LRBA: variants seen among roughly 807,000 people sequenced by gnomAD.
LRBA encodes the protein lipopolysaccharide-responsive and beige-like anchor protein.
A neutral mutation model predicts 330.0 loss-of-function variants in LRBA; 176 were observed. The observed-to-expected ratio is 0.53, with a 90% CI of 0.47 to 0.60. The LOEUF is 0.60. LRBA is among the 20% of genes least tolerant of loss of function. LRBA has a pLI of 0.00. For synonymous variants in LRBA, 1,230 were observed against 1,193.0 expected (o/e 1.03, Z -0.64); for missense variants, 3,259 against 3,444.8 (o/e 0.95, Z 1.35).
At chr4:150,442,330 A>G (rs908244196) in intron 44 of LRBA, among the ~76,000 whole-genome samples, 1 of 152,220 alleles carries the variant, frequency 6.6e-6, no homozygotes, top group South Asian at 2.1e-4. Flanking sequence ...ACTAATAAAT[A>G]GGGTGCTTGA....
rs973468151 is a variant in LRBA at position 150,903,200 on chromosome 4, A to G, written c.1755+2638T>C. ...AGTTCGAGACCAGCCTAAACAACAA[A>G]GCAAGACCCTAGTCTCTACAAAAAA... On this transcript the variant is annotated intron_variant, in intron 13 of 56. Coordinates refer to ENST00000651943, the MANE Select transcript of LRBA (RefSeq NM_001364905.1). Among the ~76,000 whole-genome samples the G allele has an allele frequency of 4.6e-5, 7 of 151,884 alleles. No homozygotes were observed. In the South Asian group the frequency reaches 8.3e-4, roughly 18 times the overall value.
intron 46 of LRBA, among the ~76,000 whole-genome samples, chr4:150,432,090 T>C (rs993529825): frequency 1.1e-4 from 16 of 152,068 alleles, no homozygotes; most frequent in African/African-American, 3.6e-4. Flanking sequence ...AAAAAAACAA[T>C]TAAGTTACCA....
At chr4:150,720,949 T>C in intron 36 of LRBA, 1 of 436,198 alleles carries the variant, frequency 2.3e-6, no homozygotes, top group Non-Finnish European at 4.6e-6. Flanking sequence ...ATTTAAGTGT[T>C]ACCCAACAAT....
intron 40 of LRBA, among the ~76,000 whole-genome samples, chr4:150,584,908 ATATT>A (rs1159732710): frequency 5.6e-4 from 85 of 152,306 alleles, no homozygotes; most frequent in African/African-American, 2.0e-3. Context: ...ACTATAATAT[ATATT>A]TGTTCTGTAG....
intron 47 of LRBA, among the ~76,000 whole-genome samples, chr4:150,396,480 TCACACACACACACACA>T (rs10641158): frequency 1.4e-5 from 2 of 145,774 alleles, no homozygotes; most frequent in Non-Finnish European, 3.0e-5. Context: ...AAATCTCATC[TCACACACACACACACA>T]CACACACACA....
At chr4:150,636,299 T>C (rs890094383) in intron 37 of LRBA, among the ~76,000 whole-genome samples, 11 of 152,266 alleles carry the variant, frequency 7.2e-5, no homozygotes, top group Middle Eastern at 3.4e-3. Flanking sequence ...TATATTAGTA[T>C]GATCTTCTAT....
chr4:150,539,536 T>C lies in LRBA; in HGVS notation c.6331-48501A>G, dbSNP rs140404383. Among the ~76,000 whole-genome samples, 643 of 152,338 alleles carry C rather than the reference T, an allele frequency of 4.2e-3. 3 individuals carry two copies. The highest frequency in any genetic ancestry group is 0.015 in the African/African-American group (622 of 41,584). On this transcript the variant is annotated intron_variant, in intron 40 of 56. Coordinates refer to ENST00000651943, the MANE Select transcript of LRBA (RefSeq NM_001364905.1). ...AATAAATCTAAACAAGAGTTTTCAA[T>C]TGAAATTAATACCAGTAGTCTTATA...
chr4:150,644,025 T>C (rs1778915210), intron 37 of LRBA, among the ~76,000 whole-genome samples: 2 of 151,914 alleles, frequency 1.3e-5, no homozygotes, highest in Admixed American at 6.6e-5. Context: ...GTCACACATA[T>C]AGCCATACCA....
intron 34 of LRBA, among the ~76,000 whole-genome samples, chr4:150,778,069 C>T (rs1481767519): frequency 6.6e-6 from 1 of 150,762 alleles, no homozygotes; most frequent in Non-Finnish European, 1.5e-5. Context: ...ATTAACTTTT[C>T]AACAATGTTT....
Position 150,599,181 on chromosome 4 carries a change from G to C in LRBA, c.5922-50C>G. 1.9e-6 allele frequency: 3 copies of C among 1,597,842 alleles called. No homozygotes were observed. In the South Asian group the frequency reaches 3.3e-5, roughly 18 times the overall value. ...TATGTTAGCAATTATCAAACAGCGT[G>C]GTAGCACTGAATTTCTGCATAAAGC... On this transcript the variant is annotated intron_variant, in intron 37 of 56. Transcript: ENST00000651943.
intron 2 of LRBA, among the ~76,000 whole-genome samples, chr4:150,932,862 G>A (rs930240575): frequency 1.3e-5 from 2 of 151,948 alleles, no homozygotes; most frequent in Non-Finnish European, 2.9e-5. Flanking sequence ...GTTGCAGTTA[G>A]CCAAGATCGC....
chr4:150,326,503 T>C (rs1478797092), intron 48 of LRBA, among the ~76,000 whole-genome samples: 2 of 152,206 alleles, frequency 1.3e-5, no homozygotes, highest in Non-Finnish European at 2.9e-5. Flanking sequence ...AACGTGTGTA[T>C]GTGTGCTCTT....
intron 2 of LRBA, among the ~76,000 whole-genome samples, chr4:150,987,828 C>G (rs536627506): frequency 7.2e-5 from 11 of 151,840 alleles, no homozygotes; most frequent in Admixed American, 5.2e-4. Flanking sequence ...ATGGGGAAAC[C>G]CTGTCTCTAC....
At chr4:150,917,162 A>ATATAT (rs200452588) in intron 5 of LRBA, among the ~76,000 whole-genome samples, 1 of 151,576 alleles carries the variant, frequency 6.6e-6, no homozygotes, top group East Asian at 1.9e-4. Flanking sequence ...CAAAAAAAAA[A>ATATAT]ATATATATAT....
At chr4:151,005,367 G>A (rs1239004153) in intron 2 of LRBA, among the ~76,000 whole-genome samples, 1 of 145,406 alleles carries the variant, frequency 6.9e-6, no homozygotes, top group Non-Finnish European at 1.5e-5. Flanking sequence ...GAACCCGGGA[G>A]GCGGAGGTTG....
chr4:150,267,464 A>G (rs1461985750), intron 56 of LRBA, among the ~76,000 whole-genome samples: 1 of 152,224 alleles, frequency 6.6e-6, no homozygotes, highest in Non-Finnish European at 1.5e-5. Flanking sequence ...ACATCAGAAA[A>G]TACTGAGACA....
At chr4:150,827,548 G>A (rs1199859375) in intron 30 of LRBA, among the ~76,000 whole-genome samples, 5 of 151,406 alleles carry the variant, frequency 3.3e-5, no homozygotes, top group African/African-American at 9.7e-5. Flanking sequence ...ATGATGATTC[G>A]CTTCACCTGA....
chr4:150,720,891 A>G, intron 36 of LRBA: 1 of 335,434 alleles, frequency 3.0e-6, no homozygotes, highest in Non-Finnish European at 5.8e-6. Context: ...TGAAAGCAAC[A>G]TTCAAAGTCA....
chr4:150,345,380 T>C (rs1415398288), intron 48 of LRBA, among the ~76,000 whole-genome samples: 1 of 152,250 alleles, frequency 6.6e-6, no homozygotes, highest in Non-Finnish European at 1.5e-5. Flanking sequence ...GAACTCAGCA[T>C]GCATCCACTA....
Sources: allele counts gnomAD v4.1 joint callset (sites outside exome capture counted in the v4.1 genomes callset), GRCh38; gene constraint gnomAD v4.1.1; transcripts MANE v1.5; gene names NCBI Gene and HGNC (gene_info 2026-07-23, HGNC 2026-07-21).